Variants in BCKDHB observed in about 807,000 individuals in gnomAD.
BCKDHB encodes the protein branched chain keto acid dehydrogenase E1 subunit beta, also known as 2-oxoisovalerate dehydrogenase subunit beta, mitochondrial.
BCKDHB carries 41 observed loss-of-function variants against 48.5 expected under a neutral mutation model. That is an observed-to-expected ratio of 0.85 (90% CI 0.66 to 1.10). The LOEUF is 1.10. BCKDHB is among the 50% of genes least tolerant of loss of function. BCKDHB has a pLI of 0.00. For synonymous variants in BCKDHB, 201 were observed against 174.8 expected (o/e 1.15, Z -1.18); for missense variants, 496 against 494.2 (o/e 1.00, Z -0.03).
At chr6:80,333,271 T>A (rs1002441047) in intron 9 of BCKDHB, among the ~76,000 whole-genome samples, 2 of 152,186 alleles carry the variant, frequency 1.3e-5, no homozygotes, top group Admixed American at 1.3e-4. Flanking sequence ...GTGATAGTGG[T>A]CACCTCACTT....
chr6:80,415,882 C>T, the BCKDHB span, among the ~76,000 whole-genome samples: 3 of 151,230 alleles, frequency 2.0e-5, no homozygotes, highest in African/African-American at 7.3e-5. Context: ...TAGAATTCAC[C>T]TGTGAATCTA....
At chr6:80,232,808 T>C (rs1255176641) in intron 8 of BCKDHB, among the ~76,000 whole-genome samples, 1 of 151,294 alleles carries the variant, frequency 6.6e-6, no homozygotes, top group Non-Finnish European at 1.5e-5. Context: ...AGTGTGTGTA[T>C]GTGTGTTTGT....
chr6:80,146,388 A>C (rs781132370), intron 3 of BCKDHB, among the ~76,000 whole-genome samples: 4 of 152,212 alleles, frequency 2.6e-5, no homozygotes, highest in Non-Finnish European at 4.4e-5. Context: ...TGACAGAATT[A>C]AATTGTGCAT....
chr6:80,228,657 T>C (rs1425671833), intron 8 of BCKDHB, among the ~76,000 whole-genome samples: 2 of 151,960 alleles, frequency 1.3e-5, no homozygotes, highest in African/African-American at 4.8e-5. Context: ...TTGAGATGGG[T>C]TTTATGTTTA....
At chr6:80,151,011 G>A (rs1771747455) in intron 3 of BCKDHB, among the ~76,000 whole-genome samples, 1 of 152,044 alleles carries the variant, frequency 6.6e-6, no homozygotes, top group Non-Finnish European at 1.5e-5. Flanking sequence ...AGCATCACTT[G>A]GATGATACAT....
intron 7 of BCKDHB, among the ~76,000 whole-genome samples, chr6:80,201,346 A>C (rs372087134): frequency 5.9e-5 from 9 of 152,214 alleles, no homozygotes; most frequent in African/African-American, 1.9e-4. Context: ...GGGCGAGGAC[A>C]CTTCAGATCT....
chr6:80,361,355 G>GC, the BCKDHB span, among the ~76,000 whole-genome samples: 3 of 152,230 alleles, frequency 2.0e-5, no homozygotes, highest in Non-Finnish European at 4.4e-5. Context: ...GACAGAGTGT[G>GC]CAGGTGCACT....
chr6:80,173,686 A>G (rs1323087718), intron 6 of BCKDHB, among the ~76,000 whole-genome samples: 2 of 152,054 alleles, frequency 1.3e-5, no homozygotes, highest in South Asian at 4.1e-4. Context: ...GCCTGTGTCC[A>G]TTTATCTTAT....
chr6:80,159,338 G>C (rs1405169404), intron 3 of BCKDHB, among the ~76,000 whole-genome samples: 1 of 151,804 alleles, frequency 6.6e-6, no homozygotes, highest in East Asian at 1.9e-4. Flanking sequence ...CTAGTACAGA[G>C]ACTAGATTAA....
At chr6:80,284,895 AG>A (rs1173038212) in intron 9 of BCKDHB, among the ~76,000 whole-genome samples, 2 of 152,154 alleles carry the variant, frequency 1.3e-5, no homozygotes. Flanking sequence ...AGCATAAAAT[AG>A]TCACCATGCC....
the BCKDHB span, among the ~76,000 whole-genome samples, chr6:80,398,733 T>A: frequency 6.6e-6 from 1 of 151,352 alleles, no homozygotes; most frequent in Non-Finnish European, 1.5e-5. Flanking sequence ...CCTACCCAAC[T>A]CATTCTATGA....
chr6:80,435,964 C>T, the BCKDHB span, among the ~76,000 whole-genome samples: 128 of 152,176 alleles, frequency 8.4e-4, 1 homozygote, highest in Middle Eastern at 6.8e-3. Context: ...AGCCAGGAGG[C>T]GGAGGTTGAC....
the BCKDHB span, among the ~76,000 whole-genome samples, chr6:80,446,499 T>G: frequency 6.6e-6 from 1 of 152,148 alleles, no homozygotes; most frequent in Admixed American, 6.5e-5. Flanking sequence ...TAGTCAGGAC[T>G]CAGCTGGGCC....
the BCKDHB span, among the ~76,000 whole-genome samples, chr6:80,429,878 C>G: frequency 1.3e-5 from 2 of 152,170 alleles, no homozygotes; most frequent in African/African-American, 2.4e-5. Flanking sequence ...CCTGATTGCC[C>G]TGGCCAGAAC....
intron 1 of BCKDHB, among the ~76,000 whole-genome samples, chr6:80,119,405 A>G (rs563316578): frequency 7.2e-5 from 11 of 151,978 alleles, no homozygotes; most frequent in Non-Finnish European, 1.6e-4. Context: ...TGCAACCTCT[A>G]CCTCCTGGGT....
chr6:80,176,601 A>G (rs188911405), intron 6 of BCKDHB, among the ~76,000 whole-genome samples: 81 of 151,592 alleles, frequency 5.3e-4, no homozygotes, highest in Admixed American at 3.1e-3. Context: ...GTCTTGCTCT[A>G]TCCTCTTGGA....
chr6:80,322,472 C>T, intron 9 of BCKDHB, among the ~76,000 whole-genome samples: 1 of 151,820 alleles, frequency 6.6e-6, no homozygotes, highest in East Asian at 1.9e-4. Context: ...CTCCTGACCT[C>T]GTGATCCACC....
chr6:80,314,271 G>C (rs1768321591), intron 9 of BCKDHB, among the ~76,000 whole-genome samples: 1 of 152,200 alleles, frequency 6.6e-6, no homozygotes, highest in African/African-American at 2.4e-5. Flanking sequence ...TATCAGGTCT[G>C]CTTGAGCTGT....
At chr6:80,347,476 G>C (rs923220669), downstream of BCKDHB, among the ~76,000 whole-genome samples, 7 of 152,142 alleles carry the variant, frequency 4.6e-5, no homozygotes, top group Non-Finnish European at 1.0e-4. Flanking sequence ...GGACATGTGC[G>C]GTGGTCTGCC....
Sources: allele counts gnomAD v4.1 joint callset (sites outside exome capture counted in the v4.1 genomes callset), GRCh38; gene constraint gnomAD v4.1.1; transcripts MANE v1.5; gene names NCBI Gene and HGNC (gene_info 2026-07-23, HGNC 2026-07-21).